Variants in FNDC3A observed in about 807,000 individuals in gnomAD.
FNDC3A encodes the protein fibronectin type-III domain-containing protein 3A.
Under a neutral mutation model 148.9 loss-of-function variants are expected in FNDC3A, and 32 were observed. The observed-to-expected ratio is 0.21, with a 90% CI of 0.16 to 0.29. The LOEUF is 0.29. FNDC3A is among the 10% of genes least tolerant of loss of function. The pLI is 1.00. For synonymous variants in FNDC3A, 472 were observed against 473.6 expected (o/e 1.00, Z 0.04); for missense variants, 1,191 against 1,452.8 (o/e 0.82, Z 2.93).
intron 8 of FNDC3A, among the ~76,000 whole-genome samples, chr13:49,160,465 T>C (rs571358483): frequency 6.6e-6 from 1 of 152,308 alleles, no homozygotes; most frequent in East Asian, 1.9e-4. Context: ...GGTGGCGATA[T>C]CCCCTTTATC....
At chr13:49,178,760 GCT>G (rs1314764974) in intron 14 of FNDC3A, 106 bp downstream of exon 14, 25 of 627,522 alleles carry the variant, frequency 4.0e-5, no homozygotes, top group Middle Eastern at 4.3e-4. Flanking sequence ...TTTGAGACGG[GCT>G]CTTACTCTGT....
intron 2 of FNDC3A, among the ~76,000 whole-genome samples, chr13:49,014,372 G>GT (rs1336513466): frequency 8.6e-6 from 1 of 116,164 alleles, no homozygotes; most frequent in East Asian, 2.4e-4. Context: ...TTTTTCATGT[G>GT]TTTTTTGGCT....
chr13:48,989,296 G>A (rs1951865665), intron 1 of FNDC3A, among the ~76,000 whole-genome samples: 1 of 152,170 alleles, frequency 6.6e-6, no homozygotes, highest in African/African-American at 2.4e-5. Flanking sequence ...AAAGTTAACA[G>A]TATCTTACAT....
At chr13:49,066,890 A>G (rs1177728330) in intron 2 of FNDC3A, among the ~76,000 whole-genome samples, 1 of 151,870 alleles carries the variant, frequency 6.6e-6, no homozygotes, top group Non-Finnish European at 1.5e-5. Context: ...TTGCCCCTCC[A>G]CCAAACCCAT....
intron 24 of FNDC3A, among the ~76,000 whole-genome samples, chr13:49,202,180 T>C (rs1472777483): frequency 6.6e-6 from 1 of 152,120 alleles, no homozygotes; most frequent in African/African-American, 2.4e-5. Flanking sequence ...AGTACTGGCT[T>C]TTGTCACTGA....
chr13:49,135,630 T>C (rs560897896), intron 5 of FNDC3A, among the ~76,000 whole-genome samples: 7 of 152,192 alleles, frequency 4.6e-5, no homozygotes, highest in South Asian at 2.1e-4. Flanking sequence ...ATTAAAACTT[T>C]TTACTGAGGC....
rs572202249 is a variant in FNDC3A, at chr13:49,000,962, G to GTT, written c.-39-5188_-39-5187dup. Among the ~76,000 whole-genome samples, 371 of 132,856 alleles carry GTT rather than the reference G, an allele frequency of 2.8e-3. 2 individuals carry two copies. The highest frequency in any genetic ancestry group is 1.0e-2 in the African/African-American group (353 of 35,446). The allele number at this position is 132,856 out of a possible 152,430, so 87.2% of individuals were successfully genotyped here. On this transcript the variant is annotated intron_variant, in intron 1 of 25. Transcript: ENST00000492622. ...TTATTAGTTCTAACAGGTTTTGTGT[G>GTT]TTTGTGTGTGTGTGTGTGTGTGTAA... is the stretch of plus-strand genomic sequence containing the variant.
chr13:49,023,110 G>A (rs183316529), intron 2 of FNDC3A, among the ~76,000 whole-genome samples: 1 of 151,944 alleles, frequency 6.6e-6, no homozygotes, highest in African/African-American at 2.4e-5. Context: ...TTACAAATTG[G>A]GTGTAAATTT....
chr13:48,977,917 C>T (rs895204191), intron 1 of FNDC3A, among the ~76,000 whole-genome samples: 1 of 151,858 alleles, frequency 6.6e-6, no homozygotes. Context: ...GGCTGGCTAC[C>T]GTTAGCCACC....
At chr13:48,998,762 A>G (rs1952070233) in intron 1 of FNDC3A, among the ~76,000 whole-genome samples, 1 of 152,242 alleles carries the variant, frequency 6.6e-6, no homozygotes, top group African/African-American at 2.4e-5. Context: ...CATTTGGAAG[A>G]GAACATCAAA....
At chr13:49,072,120 T>C (rs919037090) in intron 2 of FNDC3A, among the ~76,000 whole-genome samples, 4 of 152,226 alleles carry the variant, frequency 2.6e-5, no homozygotes, top group African/African-American at 9.6e-5. Context: ...ATTTTCCCAA[T>C]GTTTTTTTCT....
intron 2 of FNDC3A, among the ~76,000 whole-genome samples, chr13:49,063,245 C>A (rs1877020728): frequency 6.6e-6 from 1 of 152,082 alleles, no homozygotes; most frequent in Non-Finnish European, 1.5e-5. Flanking sequence ...AAAGCCAAAT[C>A]TATAACTCAT....
At chr13:49,017,697 C>G (rs1221567180) in intron 2 of FNDC3A, among the ~76,000 whole-genome samples, 9 of 151,876 alleles carry the variant, frequency 5.9e-5, no homozygotes, top group African/African-American at 2.4e-5. Flanking sequence ...TTCCTATTCT[C>G]GATGGTCTTT....
At chr13:49,008,331 A>G (rs1472278555) in intron 2 of FNDC3A, among the ~76,000 whole-genome samples, 1 of 152,176 alleles carries the variant, frequency 6.6e-6, no homozygotes, top group African/African-American at 2.4e-5. Context: ...TAAACTTGAC[A>G]GCAGACATTT....
chr13:49,091,982 G>A (rs183037195), intron 3 of FNDC3A, among the ~76,000 whole-genome samples: 100 of 152,322 alleles, frequency 6.6e-4, no homozygotes, highest in African/African-American at 2.0e-3. Flanking sequence ...GCCCAGTAAC[G>A]GGCCAAGAGC....
chr13:49,131,416 T>G (rs931713333), intron 5 of FNDC3A, 42 bp downstream of exon 5: 1 of 1,372,652 alleles, frequency 7.3e-7, no homozygotes, highest in Non-Finnish European at 1.0e-6. Context: ...GAGTTGGATA[T>G]TCTTCGCTTG....
intron 3 of FNDC3A, among the ~76,000 whole-genome samples, chr13:49,075,823 C>T (rs1386934173): frequency 6.9e-6 from 1 of 144,986 alleles, no homozygotes; most frequent in Non-Finnish European, 1.5e-5. Flanking sequence ...CCACCCCCAC[C>T]CCCCCTTTCA....
intron 11 of FNDC3A, 130 bp downstream of exon 11, chr13:49,172,226 G>A: frequency 1.9e-6 from 1 of 533,136 alleles, no homozygotes. Context: ...TTTGTGTGGT[G>A]CATGAGTGGA....
intron 2 of FNDC3A, among the ~76,000 whole-genome samples, chr13:49,030,798 AAG>A (rs1400332314): frequency 6.6e-5 from 10 of 152,318 alleles, no homozygotes; most frequent in African/African-American, 2.4e-4. Context: ...TGTTTAATGA[AAG>A]AAATATAAGA....
Sources: gnomAD v4.1 joint callset for allele counts (sites outside exome capture counted in the v4.1 genomes callset) on GRCh38, gnomAD v4.1.1 for gene constraint, MANE v1.5 for transcripts, NCBI Gene and HGNC (gene_info 2026-07-23, HGNC 2026-07-21) for gene names.